MECOM: variants seen among roughly 807,000 people sequenced by gnomAD.
MECOM encodes MDS1 and EVI1 complex locus, also known as histone-lysine N-methyltransferase MECOM.
A neutral mutation model predicts 116.3 loss-of-function variants in MECOM; 13 were observed. That is an observed-to-expected ratio of 0.11 (90% CI 0.07 to 0.18). The LOEUF (loss-of-function observed/expected upper bound fraction) is 0.18. Among genes scored for constraint, MECOM ranks in the 10% least tolerant of loss-of-function variants. The pLI is 1.00. For synonymous variants in MECOM, 528 were observed against 535.2 expected, an observed-to-expected ratio of 0.99 and a Z score of 0.19; for missense variants, 1,299 against 1,509.0, an observed-to-expected ratio of 0.86 and a Z score of 2.31.
intron 1 of MECOM, among the ~76,000 whole-genome samples, chr3:169,446,364 G>A (rs1744629650): frequency 6.6e-6 from 1 of 152,168 alleles, no homozygotes; most frequent in Non-Finnish European, 1.5e-5. Context: ...TTTATCAGGA[G>A]TTTCCGCTTT....
chr3:169,581,073 C>T (rs573434426), intron 1 of MECOM, among the ~76,000 whole-genome samples: 1 of 152,308 alleles, frequency 6.6e-6, no homozygotes, highest in South Asian at 2.1e-4. Flanking sequence ...AACCATCACT[C>T]AGACCTCTTT....
In MECOM at chr3:169,244,309, G is replaced by A. The variant is rs114846160; in HGVS notation, c.376-100477C>T. 3.7e-3 allele frequency among the ~76,000 whole-genome samples: 568 copies of A among 152,342 alleles called. 4 individuals are homozygous for A. Among genetic ancestry groups the A allele is most frequent in the African/African-American group, 0.013 (531 of 41,594 alleles). On this transcript the variant is annotated intron_variant, in intron 2 of 16. Coordinates refer to ENST00000651503, the MANE Select transcript of MECOM (RefSeq NM_004991.4). ...GTTGCCGTCGTTTACTGCTGCAAAT[G>A]TTCTGGTGTAGACATAGCCCCGAGG...
At chr3:169,298,382 G>A (rs1716042813) in intron 2 of MECOM, among the ~76,000 whole-genome samples, 1 of 151,680 alleles carries the variant, frequency 6.6e-6, no homozygotes, top group Non-Finnish European at 1.5e-5. Context: ...TATATTAAAT[G>A]TTATCAATAT....
chr3:169,595,755 A>C (rs1225687365), intron 1 of MECOM, among the ~76,000 whole-genome samples: 1 of 152,238 alleles, frequency 6.6e-6, no homozygotes, highest in African/African-American at 2.4e-5. Flanking sequence ...ATTTATAACA[A>C]TATAAATGCA....
intron 1 of MECOM, among the ~76,000 whole-genome samples, chr3:169,456,144 A>T (rs1413089804): frequency 6.6e-6 from 1 of 152,168 alleles, no homozygotes; most frequent in East Asian, 1.9e-4. Flanking sequence ...GAAGAAAAAA[A>T]AATTCTAGAG....
At chr3:169,223,715 A>G (rs1752398284) in intron 2 of MECOM, among the ~76,000 whole-genome samples, 1 of 152,158 alleles carries the variant, frequency 6.6e-6, no homozygotes, top group Non-Finnish European at 1.5e-5. Flanking sequence ...CAAATACTCT[A>G]TTATTGATAG....
At chr3:169,305,352 A>ATC (rs1414393729) in intron 2 of MECOM, among the ~76,000 whole-genome samples, 1 of 152,128 alleles carries the variant, frequency 6.6e-6, no homozygotes, top group African/African-American at 2.4e-5. Flanking sequence ...AGCCAAGGAG[A>ATC]ATGATAATGT....
intron 1 of MECOM, among the ~76,000 whole-genome samples, chr3:169,659,890 G>A (rs957493597): frequency 3.3e-5 from 5 of 152,124 alleles, no homozygotes; most frequent in Admixed American, 3.3e-4. Flanking sequence ...TAAACAGAGA[G>A]CAAGTGTAGG....
intron 1 of MECOM, among the ~76,000 whole-genome samples, chr3:169,505,321 T>TG (rs56217143): frequency 2.0e-5 from 3 of 151,960 alleles, no homozygotes; most frequent in African/African-American, 7.2e-5. Context: ...TTTTTTTTTT[T>TG]GCCAACATGT....
intron 1 of MECOM, among the ~76,000 whole-genome samples, chr3:169,484,707 T>C (rs1386182693): frequency 6.6e-6 from 1 of 152,226 alleles, no homozygotes; most frequent in Non-Finnish European, 1.5e-5. Context: ...AACAGATGGA[T>C]GTTTCACATG....
At chr3:169,549,972 C>A (rs894920404) in intron 1 of MECOM, among the ~76,000 whole-genome samples, 1 of 151,980 alleles carries the variant, frequency 6.6e-6, no homozygotes, top group Admixed American at 6.6e-5. Flanking sequence ...ACCATTCTGG[C>A]GCAACCTCTA....
chr3:169,648,523 T>C (rs2110070757), intron 1 of MECOM, among the ~76,000 whole-genome samples: 1 of 152,372 alleles, frequency 6.6e-6, no homozygotes. Context: ...CACTCGCATC[T>C]TAAGCATTTA....
chr3:169,660,324 A>G (rs1233469526), intron 1 of MECOM, among the ~76,000 whole-genome samples: 1 of 152,162 alleles, frequency 6.6e-6, no homozygotes, highest in East Asian at 1.9e-4. Flanking sequence ...ATTTTTAATT[A>G]AATTTTTTAA....
intron 1 of MECOM, among the ~76,000 whole-genome samples, chr3:169,510,826 G>A (rs563246554): frequency 6.6e-6 from 1 of 152,286 alleles, no homozygotes; most frequent in East Asian, 1.9e-4. Context: ...GGAGAGGGGG[G>A]CAAATTTAGA....
chr3:169,239,336 A>T (rs942380669), intron 2 of MECOM, among the ~76,000 whole-genome samples: 1 of 152,080 alleles, frequency 6.6e-6, no homozygotes, highest in African/African-American at 2.4e-5. Context: ...GAGTATTTGA[A>T]ATATATGGAG....
chr3:169,305,006 C>T (rs923791479), intron 2 of MECOM, among the ~76,000 whole-genome samples: 2 of 152,132 alleles, frequency 1.3e-5, no homozygotes, highest in African/African-American at 4.8e-5. Flanking sequence ...TTTCTTTATT[C>T]TTTCACCAGT....
chr3:169,592,503 G>T (rs1766547211), intron 1 of MECOM, among the ~76,000 whole-genome samples: 1 of 151,934 alleles, frequency 6.6e-6, no homozygotes, highest in East Asian at 1.9e-4. Flanking sequence ...CTACCCTCTG[G>T]GGTGTCCACC....
At chr3:169,172,407 ATGTGTGTG>A (rs5854312) in intron 2 of MECOM, among the ~76,000 whole-genome samples, 10 of 144,366 alleles carry the variant, frequency 6.9e-5, no homozygotes, top group Admixed American at 1.4e-4. Flanking sequence ...GTACCCTTGT[ATGTGTGTG>A]TGTGTGTGTG....
At chr3:169,584,279 A>G (rs1195907431) in intron 1 of MECOM, among the ~76,000 whole-genome samples, 1 of 152,188 alleles carries the variant, frequency 6.6e-6, no homozygotes, top group African/African-American at 2.4e-5. Context: ...TAAAGACAGA[A>G]GAAAGGCCGG....
Sources: allele counts gnomAD v4.1 joint callset (sites outside exome capture counted in the v4.1 genomes callset), GRCh38; gene constraint gnomAD v4.1.1; transcripts MANE v1.5; gene names NCBI Gene and HGNC (gene_info 2026-07-23, HGNC 2026-07-21).